TP63: variants seen among roughly 807,000 people sequenced by gnomAD.
TP63 encodes tumor protein 63.
Under a neutral mutation model 82.8 loss-of-function variants are expected in TP63, and 17 were observed. That is an observed-to-expected ratio of 0.21 (90% CI 0.14 to 0.31). The LOEUF (loss-of-function observed/expected upper bound fraction) is 0.31. Among genes scored for constraint, TP63 ranks in the 10% least tolerant of loss-of-function variants. The probability of loss-of-function intolerance (pLI) is 1.00; values close to 1 mark genes in which losing one functional copy is unlikely to be tolerated. For missense variants in TP63, 648 were observed against 895.3 expected, an observed-to-expected ratio of 0.72 and a Z score of 3.52; for synonymous variants, 330 against 321.7, an observed-to-expected ratio of 1.03 and a Z score of -0.28.
At chr3:189,806,117 AGT>A in intron 3 of TP63, among the ~76,000 whole-genome samples, 2 of 129,140 alleles carry the variant, frequency 1.5e-5, no homozygotes, top group Non-Finnish European at 3.1e-5. Context: ...TGAATTGAAG[AGT>A]GTTTGCTCAC....
Position 189,800,961 on chromosome 3 carries a change from T to C in TP63, c.325-7311T>C, listed in dbSNP as rs1726242252. Among the ~76,000 whole-genome samples the C allele has an allele frequency of 2.0e-5, 3 of 152,298 alleles. 1 individual carries two copies. In the South Asian group the frequency reaches 6.2e-4, roughly 32 times the overall value. On this transcript the variant is annotated intron_variant, in intron 3 of 13. Transcript: ENST00000264731. The stretch of plus-strand genomic sequence containing the variant: ...GTCACCATTACTTTATTGAAACTGA[T>C]ATGTCTTCAGTTTCATGTCATGGTA...
At chr3:189,836,287 A>G (rs1287344224) in intron 4 of TP63, among the ~76,000 whole-genome samples, 2 of 152,174 alleles carry the variant, frequency 1.3e-5, no homozygotes, top group Admixed American at 6.5e-5. Context: ...AAACAATATG[A>G]AACTGAATGT....
At chr3:189,863,293 A>T (rs908325893) in intron 4 of TP63, among the ~76,000 whole-genome samples, 51 of 152,228 alleles carry the variant, frequency 3.4e-4, no homozygotes, top group African/African-American at 1.2e-3. Context: ...GAATGTAGAG[A>T]TAGGGCTTTG....
chr3:189,762,014 A>G (rs1342424471), intron 3 of TP63, among the ~76,000 whole-genome samples: 1 of 152,208 alleles, frequency 6.6e-6, no homozygotes, highest in Non-Finnish European at 1.5e-5. Context: ...GTCTCCCACA[A>G]CAGGTGGGAA....
intron 4 of TP63, among the ~76,000 whole-genome samples, chr3:189,838,109 G>A (rs1260316405): frequency 6.6e-6 from 1 of 152,196 alleles, no homozygotes; most frequent in Non-Finnish European, 1.5e-5. Flanking sequence ...TATGAGCTAA[G>A]CTATGACACT....
chr3:189,811,011 G>A (rs144075016), intron 4 of TP63, among the ~76,000 whole-genome samples: 1 of 152,220 alleles, frequency 6.6e-6, no homozygotes, highest in Non-Finnish European at 1.5e-5. Flanking sequence ...AAATATTCTG[G>A]TACACTGGTA....
At chr3:189,669,448 G>A (rs887387662) in intron 1 of TP63, among the ~76,000 whole-genome samples, 6 of 151,926 alleles carry the variant, frequency 3.9e-5, no homozygotes, top group Non-Finnish European at 8.8e-5. Flanking sequence ...AATAATAGGG[G>A]ACATAAGAAA....
At position 189,872,588 on chromosome 3, in the gene TP63, G is replaced by A. The variant is rs140811932; in HGVS notation, c.1213-271G>A. On this transcript the variant is annotated intron_variant, in intron 9 of 13. Coordinates refer to ENST00000264731, the MANE Select transcript of TP63 (RefSeq NM_003722.5). ...GCGCTAAATAGACCATGAAAAGAAC[G>A]TGGGTTTACGGTATAAGAGCTACAA... 1.2e-4 allele frequency among the ~76,000 whole-genome samples: 19 copies of A among 152,136 alleles called. No homozygotes were observed. In the East Asian group the frequency reaches 3.1e-3, roughly 25 times the overall value.
At chr3:189,707,355 A>G (rs992538753) in intron 1 of TP63, among the ~76,000 whole-genome samples, 1 of 152,188 alleles carries the variant, frequency 6.6e-6, no homozygotes, top group African/African-American at 2.4e-5. Flanking sequence ...TAATTACTGT[A>G]TGTAATATTG....
intron 1 of TP63, among the ~76,000 whole-genome samples, chr3:189,733,421 C>T (rs771414907): frequency 3.9e-5 from 6 of 152,142 alleles, no homozygotes; most frequent in African/African-American, 1.2e-4. Context: ...CATACTTTTT[C>T]GAATCTCACA....
At chr3:189,865,827 C>G (rs1577139910) in intron 5 of TP63, among the ~76,000 whole-genome samples, 1 of 152,344 alleles carries the variant, frequency 6.6e-6, no homozygotes, top group East Asian at 1.9e-4. Flanking sequence ...GCCTCCCTAA[C>G]TTGGTATTTC....
intron 3 of TP63, among the ~76,000 whole-genome samples, chr3:189,787,058 GTGC>G (rs1724660690): frequency 2.6e-5 from 4 of 151,998 alleles, no homozygotes; most frequent in Admixed American, 2.6e-4. Flanking sequence ...GGAAATGTTT[GTGC>G]TGAGTTCAAA....
intron 1 of TP63, among the ~76,000 whole-genome samples, chr3:189,652,973 T>A (rs1478117723): frequency 6.8e-6 from 1 of 146,970 alleles, no homozygotes; most frequent in African/African-American, 2.6e-5. Context: ...CTTTCCTTTA[T>A]AAATTATTCA....
At chr3:189,732,671 A>G (rs576869494) in intron 1 of TP63, among the ~76,000 whole-genome samples, 1 of 152,324 alleles carries the variant, frequency 6.6e-6, no homozygotes, top group Admixed American at 6.5e-5. Flanking sequence ...AAAGGCATTG[A>G]GTAACTTGGC....
chr3:189,704,024 C>G (rs1279753445), intron 1 of TP63, among the ~76,000 whole-genome samples: 1 of 152,252 alleles, frequency 6.6e-6, no homozygotes, highest in African/African-American at 2.4e-5. Flanking sequence ...TTGTTGTTCC[C>G]TGTCCCAGAG....
chr3:189,781,444 G>A (rs1724225820), intron 3 of TP63, among the ~76,000 whole-genome samples: 1 of 152,152 alleles, frequency 6.6e-6, no homozygotes, highest in Non-Finnish European at 1.5e-5. Flanking sequence ...GTGGCTACTA[G>A]CGGACACATA....
chr3:189,651,285 C>A lies in TP63; in HGVS notation c.62+19708C>A, dbSNP rs1712864334. Among the ~76,000 whole-genome samples, 2 of 147,000 alleles carry A rather than the reference C, an allele frequency of 1.4e-5. 1 individual carries two copies. The highest frequency in any genetic ancestry group is 1.3e-4 in the Admixed American group (2 of 14,982). ...GCAGAGCCAGGTGCAGTGGCTCACA[C>A]CTGTAATCCCAGCACTTTGGGAGGC... On this transcript the variant is annotated intron_variant, in intron 1 of 13. Transcript: ENST00000264731.
intron 3 of TP63, among the ~76,000 whole-genome samples, chr3:189,747,193 A>G (rs76022263): frequency 0.029 from 4,342 of 152,200 alleles, 80 homozygotes; most frequent in Admixed American, 0.051. Flanking sequence ...TAGAGAGATC[A>G]TCTAGAAAGT....
At chr3:189,628,636 C>T (rs762543608), upstream of TP63, among the ~76,000 whole-genome samples, 2 of 152,010 alleles carry the variant, frequency 1.3e-5, no homozygotes, top group Non-Finnish European at 2.9e-5. Flanking sequence ...CTTCTATGTA[C>T]GTTATTATAT....
Sources: allele counts gnomAD v4.1 joint callset (sites outside exome capture counted in the v4.1 genomes callset), GRCh38; gene constraint gnomAD v4.1.1; transcripts MANE v1.5; gene names NCBI Gene and HGNC (gene_info 2026-07-23, HGNC 2026-07-21).